The following EDA variants were observed in gnomAD, a reference collection of about 807,000 sequenced individuals.
The protein encoded by EDA is ectodysplasin A.
In EDA, 2 loss-of-function variants were observed where a neutral mutation model predicts 23.6. The observed-to-expected ratio is 0.08, with a 90% CI of 0.03 to 0.27. The LOEUF is 0.27. Among genes scored for constraint, EDA ranks in the 10% least tolerant of loss-of-function variants. EDA has a pLI of 1.00. For missense variants in EDA, 229 were observed against 324.2 expected (o/e 0.71, Z 2.26); for synonymous variants, 131 against 132.0 (o/e 0.99, Z 0.05).
chrX:69,804,522 A>G lies in EDA; in HGVS notation c.397-152505A>G, dbSNP rs192938567. ...TTCCTTCTCTTGTGAAGACAAAGCT[A>G]AAAGAAACAGGTTTAAACTATATTG... is the stretch of plus-strand genomic sequence containing the variant. On this transcript the variant is annotated intron_variant, in intron 1 of 7. Coordinates refer to ENST00000374552, the MANE Select transcript of EDA (RefSeq NM_001399.5). Among the ~76,000 whole-genome samples, 7 of 111,037 alleles carry G rather than the reference A, an allele frequency of 6.3e-5. No individual in the cohort carries two copies. The South Asian group carries it at 2.7e-3, about 42-fold the overall frequency.
chrX:69,882,291 A>G (rs2017759952), intron 1 of EDA, among the ~76,000 whole-genome samples: 1 of 111,783 alleles, frequency 8.9e-6, no homozygotes, highest in African/African-American at 3.3e-5. Context: ...AGCATGACTC[A>G]TGTCTATGCA....
chrX:69,901,259 A>G (rs1222404087), intron 1 of EDA, among the ~76,000 whole-genome samples: 2 of 112,059 alleles, frequency 1.8e-5, no homozygotes, highest in Non-Finnish European at 3.8e-5. Flanking sequence ...TATTATGCTG[A>G]AGTTTCCAGG....
chrX:69,898,896 A>G (rs907787803), intron 1 of EDA, among the ~76,000 whole-genome samples: 3 of 111,930 alleles, frequency 2.7e-5, no homozygotes, highest in African/African-American at 9.7e-5. Flanking sequence ...ATGTGCCTAC[A>G]GCCAGGCTCT....
At chrX:69,861,270 AG>A (rs2017378892) in intron 1 of EDA, 1 of 176,441 alleles carries the variant, frequency 5.7e-6, no homozygotes, top group African/African-American at 3.0e-5. Flanking sequence ...AAAACTATAT[AG>A]AAAGAAAATA....
At chrX:69,811,603 G>A (rs140558028) in intron 1 of EDA, among the ~76,000 whole-genome samples, 1,660 of 111,346 alleles carry the variant, frequency 0.015, 45 homozygotes, top group African/African-American at 0.05. Context: ...TCCTCCTCAC[G>A]GTGCCAATTT....
chrX:69,678,389 T>G (rs770438387), intron 1 of EDA, among the ~76,000 whole-genome samples: 5 of 111,752 alleles, frequency 4.5e-5, no homozygotes, highest in African/African-American at 1.6e-4. Context: ...GGGGATGACA[T>G]TGAATCTGTA....
At chrX:69,731,636 T>G (rs1282122716) in intron 1 of EDA, among the ~76,000 whole-genome samples, 3 of 111,062 alleles carry the variant, frequency 2.7e-5, no homozygotes, top group African/African-American at 9.8e-5. Context: ...GAGATGGGGT[T>G]TCACCATGTT....
chrX:69,710,261 C>A (rs2011931150), intron 1 of EDA, among the ~76,000 whole-genome samples: 1 of 110,367 alleles, frequency 9.1e-6, no homozygotes, highest in African/African-American at 3.3e-5. Context: ...GGAATCCTTT[C>A]CCCATTTCTT....
Position 70,027,879 on chromosome X carries a change from AC to A in EDA, c.552del (p.Asn185MetfsTer95). ...KKGKKAGPPG[P>X]NGPPGPPGPP... ...CAGGAAAGAAAGCAGGACCTCCTGGACCCAATGGCCCTCCAGGACCCCCAGG... is the reference window on the plus strand; with the variant it reads ...CAGGAAAGAAAGCAGGACCTCCTGGACCAATGGCCCTCCAGGACCCCCAGG... On this transcript the variant is annotated frameshift_variant, in exon 4 of 8. Coordinates refer to ENST00000374552, the MANE Select transcript of EDA (RefSeq NM_001399.5). LOFTEE classifies it high-confidence loss of function. 1.0e-6 allele frequency: 1 copy of A among 978,752 alleles called. No homozygotes were observed. Among genetic ancestry groups the A allele is most frequent in the Non-Finnish European group, 1.4e-6 (1 of 698,161 alleles). The allele number at this position is 978,752 out of a possible 1,213,427, so 80.7% of individuals were successfully genotyped here.
At chrX:69,842,171 G>A (rs1192669781) in intron 1 of EDA, among the ~76,000 whole-genome samples, 5 of 111,273 alleles carry the variant, frequency 4.5e-5, no homozygotes, top group African/African-American at 1.6e-4. Context: ...TATCAGATCA[G>A]CAGTGGCATT....
At chrX:69,923,922 G>A (rs138790483) in intron 1 of EDA, among the ~76,000 whole-genome samples, 2,383 of 111,714 alleles carry the variant, frequency 0.021, 54 homozygotes, top group African/African-American at 0.074. Context: ...CTAATTATCA[G>A]TGATGTTGAG....
chrX:69,799,367 C>T (rs981454410), intron 1 of EDA, among the ~76,000 whole-genome samples: 5 of 110,797 alleles, frequency 4.5e-5, no homozygotes, highest in African/African-American at 1.6e-4. Flanking sequence ...AGCTTCTGCA[C>T]AGCAAAGGAA....
chrX:69,764,457 G>C (rs1368414951), intron 1 of EDA, among the ~76,000 whole-genome samples: 3 of 107,288 alleles, frequency 2.8e-5, no homozygotes, highest in Non-Finnish European at 3.8e-5. Flanking sequence ...TGGCCAGGCT[G>C]GTCTTGAACT....
chrX:69,653,521 G>T (rs1933174964), intron 1 of EDA, among the ~76,000 whole-genome samples: 1 of 111,196 alleles, frequency 9.0e-6, no homozygotes, highest in African/African-American at 3.3e-5. Flanking sequence ...TGTTGAATAG[G>T]AGTGGTGAGA....
chrX:69,622,973 G>A (rs1932239590), intron 1 of EDA, among the ~76,000 whole-genome samples: 1 of 111,707 alleles, frequency 9.0e-6, no homozygotes, highest in Non-Finnish European at 1.9e-5. Context: ...GTCCTCTATA[G>A]CATCACCTTT....
At chrX:69,896,056 A>T (rs1457511816) in intron 1 of EDA, among the ~76,000 whole-genome samples, 1 of 111,199 alleles carries the variant, frequency 9.0e-6, no homozygotes, top group African/African-American at 3.3e-5. Context: ...AGCAGGATTG[A>T]TTTCTTCTGA....
chrX:69,903,700 T>TA (rs1491519602), intron 1 of EDA, among the ~76,000 whole-genome samples: 9 of 110,341 alleles, frequency 8.2e-5, no homozygotes, highest in African/African-American at 3.0e-4. Context: ...GACTTTTTTT[T>TA]AAAAAAAGTA....
At chrX:69,977,565 A>ATTAAG (rs2019335368) in intron 2 of EDA, among the ~76,000 whole-genome samples, 1 of 112,622 alleles carries the variant, frequency 8.9e-6, no homozygotes, top group South Asian at 3.7e-4. Flanking sequence ...ATTTAAAACC[A>ATTAAG]TTAAGTTCAC....
At chrX:69,784,721 A>G (rs865910362) in intron 1 of EDA, among the ~76,000 whole-genome samples, 179 of 104,393 alleles carry the variant, frequency 1.7e-3, no homozygotes, top group African/African-American at 5.7e-3. Flanking sequence ...GAAGTCAGGT[A>G]GTGTGATGCC....
Sources: gnomAD v4.1 joint callset for allele counts (sites outside exome capture counted in the v4.1 genomes callset) on GRCh38, gnomAD v4.1.1 for gene constraint, MANE v1.5 for transcripts, NCBI Gene and HGNC (gene_info 2026-07-23, HGNC 2026-07-21) for gene names.